TNRC6B: variants seen among roughly 807,000 people sequenced by gnomAD.
The protein encoded by TNRC6B is trinucleotide repeat-containing gene 6B protein.
TNRC6B carries 52 observed loss-of-function variants against 203.6 expected under a neutral mutation model. That is an observed-to-expected ratio of 0.26 (90% CI 0.20 to 0.32). The LOEUF is 0.32. Among genes scored for constraint, TNRC6B ranks in the 10% least tolerant of loss-of-function variants. The pLI is 1.00. For synonymous variants in TNRC6B, 838 were observed against 845.7 expected (o/e 0.99, Z 0.16); for missense variants, 1,923 against 2,286.2 (o/e 0.84, Z 3.24).
At chr22:40,315,621 C>A in intron 20 of TNRC6B, 114 bp downstream of exon 20, 1 of 1,199,466 alleles carries the variant, frequency 8.3e-7, no homozygotes, top group Non-Finnish European at 1.2e-6. Context: ...TGGTTGTCTG[C>A]TTTTTCTTCT....
At position 40,139,409 on chromosome 22, in the gene TNRC6B, G is replaced by T. The variant is rs148999142; in HGVS notation, c.45+13547G>T. 4.7e-3 allele frequency among the ~76,000 whole-genome samples: 695 copies of T among 147,634 alleles called. 3 individuals are homozygous for T. The highest frequency in any genetic ancestry group is 7.2e-3 in the Admixed American group (103 of 14,318). On this transcript the variant is annotated intron_variant, in intron 3 of 23. Coordinates refer to the TNRC6B transcript ENST00000301923. ...TGCAGTGGTGCGATCCTGGCTAACT[G>T]CAGCATCTGCCTCCTGGGTTCCAGT... is the stretch of plus-strand genomic sequence containing the variant.
intron 1 of TNRC6B, among the ~76,000 whole-genome samples, chr22:40,228,084 C>G (rs971371604): frequency 1.3e-5 from 2 of 152,252 alleles, no homozygotes; most frequent in East Asian, 1.9e-4. Context: ...GTGGGTTGGT[C>G]TGGCCCTTAA....
chr22:40,266,948 T>C lies in TNRC6B; in HGVS notation c.2718T>C (p.Asn906=), dbSNP rs1275073370. 1.2e-6 allele frequency: 2 copies of C among 1,613,676 alleles called. No homozygotes were observed. The highest frequency in any genetic ancestry group is 1.3e-5 in the African/African-American group (1 of 75,036). Residue 906 remains asparagine, a synonymous_variant, in exon 5 of 23, where the codon AAT becomes AAC. Coordinates refer to ENST00000454349, the MANE Select transcript of TNRC6B (RefSeq NM_001162501.2). ...ACCCTAACAGTTATAACTACAAGAA[T>C]GTGAATCTGTGGGATAAGAATTCCC... ...WGDPNSYNYK[N]VNLWDKNSQG...
rs2071394640 is a variant in TNRC6B, at chr22:40,325,804, G to T, written c.*2563G>T. On this transcript the variant is annotated 3_prime_UTR_variant, in exon 23 of 23. Coordinates refer to ENST00000454349, the MANE Select transcript of TNRC6B (RefSeq NM_001162501.2). ...GCGACCCTGTCCACTGCCGCTCTTGGTTCACTGCTGTGTCCTGCCCCACCC... is the reference window on the plus strand; with the variant it reads ...GCGACCCTGTCCACTGCCGCTCTTGTTTCACTGCTGTGTCCTGCCCCACCC... 1 of 152,770 alleles carries T rather than the reference G, an allele frequency of 6.5e-6. No individual in the cohort carries two copies. The highest frequency in any genetic ancestry group is 2.4e-5 in the African/African-American group (1 of 41,432). The allele number at this position is 152,770 out of a possible 1,614,324, so 9.5% of individuals were successfully genotyped here.
chr22:40,164,737 G>A (rs1433832031), intron 4 of TNRC6B, among the ~76,000 whole-genome samples: 7 of 139,924 alleles, frequency 5.0e-5, no homozygotes, highest in African/African-American at 1.9e-4. Context: ...ACTCCAGCCT[G>A]AGCAACGAGT....
intron 1 of TNRC6B, among the ~76,000 whole-genome samples, chr22:40,049,185 G>T (rs1213977020): frequency 6.6e-6 from 1 of 152,018 alleles, no homozygotes; most frequent in African/African-American, 2.4e-5. Context: ...TTCAAAACCA[G>T]CCTGGCCGGT....
intron 2 of TNRC6B, among the ~76,000 whole-genome samples, chr22:40,247,917 C>CA (rs1569037072): frequency 6.6e-6 from 1 of 151,704 alleles, no homozygotes; most frequent in Non-Finnish European, 1.5e-5. Flanking sequence ...AACAAAAATA[C>CA]AAAAAAAATT....
intron 1 of TNRC6B, among the ~76,000 whole-genome samples, chr22:40,084,938 C>T (rs1425977047): frequency 6.6e-6 from 1 of 152,132 alleles, no homozygotes; most frequent in African/African-American, 2.4e-5. Flanking sequence ...TTGTGTAGTC[C>T]CCTCTCCTGC....
At chr22:40,068,343 A>G (rs2067914931) in intron 1 of TNRC6B, among the ~76,000 whole-genome samples, 1 of 151,908 alleles carries the variant, frequency 6.6e-6, no homozygotes, top group Admixed American at 6.6e-5. Flanking sequence ...TTTGAGATGG[A>G]GTCTTACTCT....
intron 3 of TNRC6B, among the ~76,000 whole-genome samples, chr22:40,137,687 T>G (rs571526833): frequency 1.3e-5 from 2 of 152,024 alleles, no homozygotes; most frequent in East Asian, 3.9e-4. Context: ...GATGCATATT[T>G]TAGAAAGATG....
Position 40,222,728 on chromosome 22 carries a change from CTTTTTTTTTTTTTTTTTT to C in TNRC6B, c.6-23271_6-23254del, listed in dbSNP as rs61374373. On this transcript the variant is annotated intron_variant, in intron 1 of 22. Coordinates refer to ENST00000454349, the MANE Select transcript of TNRC6B (RefSeq NM_001162501.2). ...ATCTTGCTGTATTCTCTCTCTCTCT[CTTTTTTTTTTTTTTTTTT>C]TTTTTTTTTTTTTTTGAGACGGAGT... 6.2e-4 allele frequency among the ~76,000 whole-genome samples: 25 copies of C among 40,216 alleles called. 1 individual carries two copies. Among genetic ancestry groups the C allele is most frequent in the Admixed American group, 1.8e-3 (4 of 2,240 alleles). The allele number at this position is 40,216 out of a possible 152,430, so 26.4% of individuals were successfully genotyped here. A position where few individuals can be genotyped will look rare whatever the true frequency, so the allele number is the denominator to read the frequency against.
Position 40,278,000 on chromosome 22 carries a change from G to T in TNRC6B, c.3218G>T (p.Ser1073Ile). Residue 1073 changes from serine (S) to isoleucine (I), a missense_variant and splice_region_variant, in exon 9 of 23, where the codon AGT becomes ATT. By Grantham distance (142) the Ser-to-Ile change is moderately radical. Coordinates refer to ENST00000454349, the MANE Select transcript of TNRC6B (RefSeq NM_001162501.2). ...TCTCATCTGTTCTTTATTTTCCAGA[G>T]TCAGACTGAAGATAATCCAAGCAGC... ...AKQFSNMGLL[S>I]QTEDNPSSKM... The T allele has an allele frequency of 6.4e-7, 1 of 1,558,558 alleles. No individual in the cohort carries two copies. Among genetic ancestry groups the T allele is most frequent in the Non-Finnish European group, 8.7e-7 (1 of 1,148,322 alleles).
At chr22:40,231,093 A>G (rs1344689637) in intron 1 of TNRC6B, among the ~76,000 whole-genome samples, 9 of 151,990 alleles carry the variant, frequency 5.9e-5, no homozygotes, top group Admixed American at 5.9e-4. Flanking sequence ...ATTCTGTTCT[A>G]TCCCATTGAA....
intron 3 of TNRC6B, among the ~76,000 whole-genome samples, chr22:40,152,539 A>C (rs2068768005): frequency 6.6e-6 from 1 of 152,260 alleles, no homozygotes; most frequent in East Asian, 1.9e-4. Flanking sequence ...CATGTTAGCC[A>C]GGATGGTCTC....
At chr22:40,280,289 C>G in intron 10 of TNRC6B, 146 bp downstream of exon 10, 1 of 746,342 alleles carries the variant, frequency 1.3e-6, no homozygotes, top group Non-Finnish European at 2.1e-6. Context: ...ACGTGGTGAC[C>G]TGAAAACCAT....
intron 3 of TNRC6B, among the ~76,000 whole-genome samples, chr22:40,129,270 G>C (rs966761744): frequency 2.6e-5 from 4 of 152,234 alleles, no homozygotes; most frequent in Non-Finnish European, 5.9e-5. Flanking sequence ...TCCATGCCTA[G>C]GGCAGCCATT....
At chr22:40,257,881 G>C (rs2070305625) in intron 3 of TNRC6B, among the ~76,000 whole-genome samples, 1 of 151,802 alleles carries the variant, frequency 6.6e-6, no homozygotes, top group Non-Finnish European at 1.5e-5. Flanking sequence ...AAATTAGTGA[G>C]GCGTGGTGGT....
intron 4 of TNRC6B, among the ~76,000 whole-genome samples, chr22:40,172,654 A>T (rs2069013074): frequency 6.6e-6 from 1 of 152,258 alleles, no homozygotes; most frequent in Admixed American, 6.5e-5. Context: ...ATCTTAGTCT[A>T]AATTCATATC....
intron 12 of TNRC6B, among the ~76,000 whole-genome samples, chr22:40,290,805 G>A (rs1004680019): frequency 5.3e-5 from 8 of 152,086 alleles, no homozygotes; most frequent in South Asian, 2.1e-4. Flanking sequence ...TTTTGAGCTC[G>A]GTGACTATAT....
Sources: allele counts gnomAD v4.1 joint callset (sites outside exome capture counted in the v4.1 genomes callset), GRCh38; gene constraint gnomAD v4.1.1; transcripts MANE v1.5; gene names NCBI Gene and HGNC (gene_info 2026-07-23, HGNC 2026-07-21).